The following NOTCH4 variants were observed in gnomAD, a reference collection of about 807,000 sequenced individuals.
The protein encoded by NOTCH4 is neurogenic locus notch homolog protein 4.
NOTCH4 carries 138 observed loss-of-function variants against 189.0 expected under a neutral mutation model. That is an observed-to-expected ratio of 0.73 (90% CI 0.64 to 0.84). The LOEUF is 0.84. Ranked by LOEUF, NOTCH4 falls within the 40% of genes least tolerant of loss-of-function variation. NOTCH4 has a pLI of 0.00. For synonymous variants in NOTCH4, 942 were observed against 1,032.8 expected, an observed-to-expected ratio of 0.91 and a Z score of 1.69; for missense variants, 2,286 against 2,605.4, an observed-to-expected ratio of 0.88 and a Z score of 2.67.
intron 17 of NOTCH4, among the ~76,000 whole-genome samples, chr6:32,211,733 G>A (rs1789036560): frequency 6.6e-6 from 1 of 152,166 alleles, no homozygotes; most frequent in Admixed American, 6.5e-5. Context: ...TTCCTGGGTG[G>A]AGACTGGTCT....
At position 32,197,329 on chromosome 6, in the gene NOTCH4, A is replaced by T; in HGVS notation, c.5022T>A (p.Ala1674=). Residue 1674 remains alanine (A), a synonymous_variant, in exon 27 of 30, where the codon GCT becomes GCA. Transcript: ENST00000375023. ...AGACCTCCCGAGCATCAGCAGCCAC[A>T]GCAGCATGAAGGGGTGTGCGCCCTG... ...DRAGRTPLHA[A]VAADAREVCQ... The T allele has an allele frequency of 6.5e-7, 1 of 1,532,424 alleles. No homozygotes were observed. 94.9% of individuals were successfully genotyped at this position (1,532,424 alleles called of 1,614,324 possible). A position where few individuals can be genotyped will look rare whatever the true frequency, so the allele number is the denominator to read the frequency against.
In NOTCH4 at chr6:32,195,411, G is replaced by T. The variant is rs780170413; in HGVS notation, c.*26C>A. 1.3e-6 allele frequency: 2 copies of T among 1,529,874 alleles called. No individual in the cohort carries two copies. Among genetic ancestry groups the T allele is most frequent in the Non-Finnish European group, 8.8e-7 (1 of 1,138,876 alleles). 94.8% of individuals were successfully genotyped at this position (1,529,874 alleles called of 1,614,324 possible). On this transcript the variant is annotated 3_prime_UTR_variant, in exon 30 of 30. Transcript: ENST00000375023. This position sits in a 1 kb window ranked among gnomAD's most constrained non-coding sequence, Gnocchi z 5.4. ...TGCCTTTTAATGGGTAATCATTTTTGGAATTCCTCCCTACCATGTATTCTT... is the reference window on the plus strand; with the variant it reads ...TGCCTTTTAATGGGTAATCATTTTTTGAATTCCTCCCTACCATGTATTCTT...
chr6:32,222,052 C>T (rs1332229357), intron 3 of NOTCH4, among the ~76,000 whole-genome samples: 2 of 152,144 alleles, frequency 1.3e-5, no homozygotes, highest in Non-Finnish European at 2.9e-5. Flanking sequence ...GGGCGGCCCC[C>T]AATCCACTCT....
At position 32,222,643 on chromosome 6, in the gene NOTCH4, G is replaced by A. The variant is rs200936586; in HGVS notation, c.319C>T (p.Pro107Ser). ...TGGCATCTCTCACCAGTGAAGCCAG[G>A]GAGGCAAGTGCACAAGAAGCTGGGT... ...LTPSFLCTCL[P>S]GFTGERCQAK... is the part of the protein sequence containing the mutation. The change falls in exon 3 of 30, where the codon CCT (proline) becomes TCT (serine). Residue 107 changes from proline (P) to serine (S), a missense_variant. Coordinates refer to ENST00000375023, the MANE Select transcript of NOTCH4 (RefSeq NM_004557.4). 1.9e-6 allele frequency: 3 copies of A among 1,607,444 alleles called. No homozygotes were observed. The highest frequency in any genetic ancestry group is 1.3e-5 in the African/African-American group (1 of 74,496).
At position 32,210,999 on chromosome 6, in the gene NOTCH4, G is replaced by C; in HGVS notation, c.2681-63C>G. The C allele has an allele frequency of 6.9e-7, 1 of 1,445,904 alleles. No individual in the cohort carries two copies. The highest frequency in any genetic ancestry group is 9.3e-7 in the Non-Finnish European group (1 of 1,077,710). 89.6% of individuals were successfully genotyped at this position (1,445,904 alleles called of 1,614,324 possible). On this transcript the variant is annotated intron_variant, in intron 17 of 29. Coordinates refer to ENST00000375023, the MANE Select transcript of NOTCH4 (RefSeq NM_004557.4). The surrounding 1 kb of genome is among the most constrained non-coding windows in gnomAD (Gnocchi z 4.8). ...TGGGGGGCCGGGCGCCATGGCTTAC[G>C]CCTGTAATCCCAGCACTTTGGGAGG...
rs1789479327 is a variant in NOTCH4 at position 32,217,328 on chromosome 6, C to T, written c.1625-62G>A. On this transcript the variant is annotated intron_variant, in intron 9 of 29. Transcript: ENST00000375023. The surrounding 1 kb of genome is among the most constrained non-coding windows in gnomAD (Gnocchi z 4.2). ...GGTCATCGAGGGAGGCACAGCATGG[C>T]GCCTTCCCTTGCCAGGAAAGGTGAA... is the stretch of plus-strand genomic sequence containing the variant. 7 of 1,072,542 alleles carry T rather than the reference C, an allele frequency of 6.5e-6. No homozygotes were observed. The highest frequency in any genetic ancestry group is 3.1e-5 in the African/African-American group (2 of 64,544). The allele number at this position is 1,072,542 out of a possible 1,614,324, so 66.4% of individuals were successfully genotyped here.
chr6:32,215,219 A>G lies in NOTCH4; in HGVS notation c.2021+7T>C. On this transcript the variant is annotated splice_region_variant and intron_variant, in intron 12 of 29. Coordinates refer to ENST00000375023, the MANE Select transcript of NOTCH4 (RefSeq NM_004557.4). ...GGGGCAGATGGGGAGGGTCTGGAAGATGTTACCTCTGGCAGTGCCCGTGGT... is the reference window on the plus strand; with the variant it reads ...GGGGCAGATGGGGAGGGTCTGGAAGGTGTTACCTCTGGCAGTGCCCGTGGT... 2 of 1,590,384 alleles carry G rather than the reference A, an allele frequency of 1.3e-6. No homozygotes were observed. Among genetic ancestry groups the G allele is most frequent in the Non-Finnish European group, 1.7e-6 (2 of 1,170,110 alleles).
chr6:32,196,796 T>C lies in NOTCH4; in HGVS notation c.5200+129A>G, dbSNP rs1787966873. ...TCACGCGGCCCGTACTTCCACCGCA[T>C]CTCAGATTGACCGCCGTAACAGCAG... On this transcript the variant is annotated intron_variant, in intron 28 of 29. Transcript: ENST00000375023. 2.4e-6 allele frequency: 3 copies of C among 1,230,862 alleles called. No homozygotes were observed. The South Asian group carries it at 4.0e-5, about 16-fold the overall frequency. The allele number at this position is 1,230,862 out of a possible 1,614,324, so 76.2% of individuals were successfully genotyped here. A position where few individuals can be genotyped will look rare whatever the true frequency, so the allele number is the denominator to read the frequency against.
At position 32,201,216 on chromosome 6, in the gene NOTCH4, G is replaced by A; in HGVS notation, c.4040C>T (p.Ala1347Val). ...DMVYPYPGAR[A>V]EEKLGGTRDP... Reference sequence around the variant, plus strand: ...CCGAGTTCCTCCTAGCTTTTCTTCAGCCCGGGCCCCAGGATAGGGGTACAC... The same window carrying A: ...CCGAGTTCCTCCTAGCTTTTCTTCAACCCGGGCCCCAGGATAGGGGTACAC... The change falls in exon 22 of 30, where the codon GCT becomes GTT. Residue 1347 changes from alanine (A) to valine (V), a missense_variant. Physicochemically the swap from Ala to Val is moderately conservative, Grantham distance 64. Coordinates refer to ENST00000375023, the MANE Select transcript of NOTCH4 (RefSeq NM_004557.4). This position sits in a 1 kb window ranked among gnomAD's most constrained non-coding sequence, Gnocchi z 5.5. 3 of 1,612,960 alleles carry A rather than the reference G, an allele frequency of 1.9e-6. No homozygotes were observed. Among genetic ancestry groups the A allele is most frequent in the Non-Finnish European group, 2.5e-6 (3 of 1,179,990 alleles).
chr6:32,202,334 G>A lies in NOTCH4; in HGVS notation c.3497C>T (p.Pro1166Leu). ...TCCGGGTTTCTGACACCGGGGCCCTGGAGAGCTGTGAGGGCAGGAGCATCG... is the reference window on the plus strand; with the variant it reads ...TCCGGGTTTCTGACACCGGGGCCCTAGAGAGCTGTGAGGGCAGGAGCATCG... Reference protein sequence around the residue: ...GFRCSCPHSSPGPRCQKPGAK... With the variant: ...GFRCSCPHSSLGPRCQKPGAK... The change falls in exon 21 of 30, where the codon CCA (proline) becomes CTA (leucine). Residue 1166 changes from proline to leucine, a missense_variant. Transcript: ENST00000375023. The surrounding 1 kb of genome is among the most constrained non-coding windows in gnomAD (Gnocchi z 5.7). 1 of 1,612,914 alleles carries A rather than the reference G, an allele frequency of 6.2e-7. No homozygotes were observed. Among genetic ancestry groups the A allele is most frequent in the Non-Finnish European group, 8.5e-7 (1 of 1,179,968 alleles).
In NOTCH4 at chr6:32,198,543, G is replaced by A. The variant is rs139905129; in HGVS notation, c.4634C>T (p.Pro1545Leu). The A allele has an allele frequency of 5.0e-6, 8 of 1,612,754 alleles. No homozygotes were observed. The African/African-American group carries it at 5.3e-5, about 11-fold the overall frequency. Reference protein sequence around the residue: ...EEVGQAEETGPPSTCQLWSLS... With the variant: ...EEVGQAEETGLPSTCQLWSLS... ...AGACCAGAGCTGGCACGTGGAGGGT[G>A]GGCCTGTTTCTTCAGCCTTTGGGTA... Residue 1545 changes from proline to leucine, a missense_variant, in exon 26 of 30, where the codon CCA becomes CTA. Pro to Leu is a moderately conservative substitution (Grantham distance 98). This residue lies in a region of NOTCH4 where 1,903 missense variants were observed against 2,261.9 expected (regional missense o/e 0.84). Coordinates refer to ENST00000375023, the MANE Select transcript of NOTCH4 (RefSeq NM_004557.4). The surrounding 1 kb of genome is among the most constrained non-coding windows in gnomAD (Gnocchi z 5.5).
rs983873501 is a variant in NOTCH4 at position 32,215,122 on chromosome 6, A to G, written c.2021+104T>C. 32 of 1,091,478 alleles carry G rather than the reference A, an allele frequency of 2.9e-5. No individual in the cohort carries two copies. In the African/African-American group the frequency reaches 3.5e-4, roughly 12 times the overall value. The allele number at this position is 1,091,478 out of a possible 1,614,324, so 67.6% of individuals were successfully genotyped here. ...CTTTGCCATCTCCTTCCTTTTCCCCATTGGTCATTTCTCACAGACCTACAT... is the reference window on the plus strand; with the variant it reads ...CTTTGCCATCTCCTTCCTTTTCCCCGTTGGTCATTTCTCACAGACCTACAT... On this transcript the variant is annotated intron_variant, in intron 12 of 29. Coordinates refer to ENST00000375023, the MANE Select transcript of NOTCH4 (RefSeq NM_004557.4).
rs1206951007 is a variant in NOTCH4 at position 32,220,531 on chromosome 6, TCA to T, written c.1031_1032del (p.Val344GlufsTer9). On this transcript the variant is annotated frameshift_variant, in exon 6 of 30. Transcript: ENST00000375023. LOFTEE classifies it high-confidence loss of function. ...NSAGSFHCVCVSGWGGTSCEE... is the reference protein window; with the variant it reads ...NSAGSFHCVCXSGWGGTSCEE... ...TCACAGCTTGTGCCGCCCCAGCCACTCACACACACGCAGTGAAAGCTACCAGC... is the reference window on the plus strand; with the variant it reads ...TCACAGCTTGTGCCGCCCCAGCCACTCACACACGCAGTGAAAGCTACCAGC... 1.2e-6 allele frequency: 2 copies of T among 1,613,670 alleles called. No individual in the cohort carries two copies. Among genetic ancestry groups the T allele is most frequent in the South Asian group, 1.1e-5 (1 of 91,086 alleles).
intron 12 of NOTCH4, 41 bp from the exon 13 acceptor site, chr6:32,214,296 A>G: frequency 1.2e-6 from 2 of 1,606,178 alleles, no homozygotes; most frequent in Non-Finnish European, 1.7e-6. Flanking sequence ...CTCTTCTCCT[A>G]CTGCTTATGT....
chr6:32,195,618 A>AT lies in NOTCH4; in HGVS notation c.5830_5831insA (p.Val1944AspfsTer5). The stretch of plus-strand genomic sequence containing the variant: ...ATCACAGGGCCAGTCATCCGTTGAG[A>AT]CCCTGCCTCCGCGCCCGGCAGCCAC... On this transcript the variant is annotated frameshift_variant, in exon 30 of 30. Transcript: ENST00000375023. LOFTEE classifies it low-confidence loss of function (END_TRUNC). The surrounding 1 kb of genome is among the most constrained non-coding windows in gnomAD (Gnocchi z 5.4). 1 of 1,612,706 alleles carries AT rather than the reference A, an allele frequency of 6.2e-7. No individual in the cohort carries two copies. Among genetic ancestry groups the AT allele is most frequent in the Non-Finnish European group, 8.5e-7 (1 of 1,179,912 alleles).
Position 32,198,812 on chromosome 6 carries a change from T to C in NOTCH4, c.4536-82A>G, listed in dbSNP as rs2127462966. ...AAATTTCCAGCAGGCTTCCCACCCCTCTCTCCTTCCCCTATCTTTGACTTC... is the reference window on the plus strand; with the variant it reads ...AAATTTCCAGCAGGCTTCCCACCCCCCTCTCCTTCCCCTATCTTTGACTTC... On this transcript the variant is annotated intron_variant, in intron 24 of 29. Coordinates refer to ENST00000375023, the MANE Select transcript of NOTCH4 (RefSeq NM_004557.4). The surrounding 1 kb of genome is among the most constrained non-coding windows in gnomAD (Gnocchi z 5.5). 3 of 1,434,724 alleles carry C rather than the reference T, an allele frequency of 2.1e-6. No individual in the cohort carries two copies. The highest frequency in any genetic ancestry group is 2.6e-5 in the South Asian group (2 of 76,478). 88.9% of individuals were successfully genotyped at this position (1,434,724 alleles called of 1,614,324 possible). A position where few individuals can be genotyped will look rare whatever the true frequency, so the allele number is the denominator to read the frequency against.
chr6:32,215,171 C>A, intron 12 of NOTCH4, 55 bp downstream of exon 12: 1 of 1,464,270 alleles, frequency 6.8e-7, no homozygotes, highest in Non-Finnish European at 9.1e-7. Context: ...TTCTCCTGTC[C>A]TAGCGAAGGG....
chr6:32,223,821 C>A, intron 1 of NOTCH4, 35 bp downstream of exon 1: 1 of 1,593,792 alleles, frequency 6.3e-7, no homozygotes, highest in Non-Finnish European at 8.5e-7. Flanking sequence ...CCTAAGGGAG[C>A]TGGGTCCCCT....
intron 11 of NOTCH4, chr6:32,216,485 T>A: frequency 4.8e-6 from 1 of 207,234 alleles, no homozygotes; most frequent in Non-Finnish European, 9.8e-6. Context: ...TAGTCTGGGT[T>A]GGCTGGTCCT....
Sources: gnomAD v4.1 joint callset for allele counts (sites outside exome capture counted in the v4.1 genomes callset) on GRCh38, gnomAD v4.1.1 for gene constraint, gnomAD v4.1.1 regional missense constraint, Gnocchi (gnomAD v3.1) non-coding constraint, MANE v1.5 for transcripts, NCBI Gene and HGNC (gene_info 2026-07-23, HGNC 2026-07-21) for gene names.